The following FBN3 variants were observed in gnomAD, a reference collection of about 807,000 sequenced individuals.
FBN3 encodes the protein fibrillin 3, also known as fibrillin-3.
Under a neutral mutation model 330.1 loss-of-function variants are expected in FBN3, and 234 were observed. The observed-to-expected ratio is 0.71, with a 90% CI of 0.64 to 0.79. The LOEUF is 0.79. Ranked by LOEUF, FBN3 falls within the 30% of genes least tolerant of loss-of-function variation. The probability of loss-of-function intolerance (pLI) is 0.00; values close to 1 mark genes in which losing one functional copy is unlikely to be tolerated. For missense variants in FBN3, 3,606 were observed against 3,886.9 expected (o/e 0.93, Z 1.92); for synonymous variants, 1,458 against 1,517.3 (o/e 0.96, Z 0.91).
intron 61 of FBN3, 41 bp downstream of exon 61, chr19:8,075,030 C>G: frequency 6.3e-7 from 1 of 1,586,388 alleles, no homozygotes; most frequent in South Asian, 1.1e-5. Flanking sequence ...TGAGCAGATT[C>G]TGGTGGAGGG....
At position 8,116,748 on chromosome 19, in the gene FBN3, G is replaced by T; in HGVS notation, c.3638C>A (p.Thr1213Asn). Residue 1213 changes from threonine to asparagine, a missense_variant, in exon 29 of 64, where the codon ACC becomes AAC. Thr to Asn is a moderately conservative substitution (Grantham distance 65). Coordinates refer to ENST00000600128, the MANE Select transcript of FBN3 (RefSeq NM_032447.5). The stretch of plus-strand genomic sequence containing the variant: ...GCAGCGGTGACCCCCTGGCATGTTG[G>T]TGCAGTGGCCTTGGTCACAAACGCG... Reference protein sequence around the residue: ...NPRVCDQGHCTNMPGGHRCLC... With the variant: ...NPRVCDQGHCNNMPGGHRCLC... The T allele has an allele frequency of 6.2e-7, 1 of 1,614,106 alleles. No individual in the cohort carries two copies. The highest frequency in any genetic ancestry group is 8.5e-7 in the Non-Finnish European group (1 of 1,179,982).
intron 8 of FBN3, among the ~76,000 whole-genome samples, chr19:8,140,428 C>T (rs1423035327): frequency 6.6e-6 from 1 of 152,192 alleles, no homozygotes; most frequent in Non-Finnish European, 1.5e-5. Flanking sequence ...CGTGCCATTG[C>T]ACTCCAGCCT....
chr19:8,133,726 A>G (rs1285036992), intron 13 of FBN3, among the ~76,000 whole-genome samples: 1 of 151,936 alleles, frequency 6.6e-6, no homozygotes, highest in Non-Finnish European at 1.5e-5. Flanking sequence ...TGCTGGGATT[A>G]CAGGCGTGAG....
At chr19:8,142,901 G>A (rs933059779) in intron 6 of FBN3, among the ~76,000 whole-genome samples, 58 of 18,758 alleles carry the variant, frequency 3.1e-3, no homozygotes, top group African/African-American at 0.024. Flanking sequence ...AGCTTGGCCC[G>A]CCTCCAACAA....
chr19:8,072,932 C>T, intron 62 of FBN3, 131 bp downstream of exon 62: 1 of 754,778 alleles, frequency 1.3e-6, no homozygotes, highest in Non-Finnish European at 2.2e-6. Flanking sequence ...GCTGAAGGAG[C>T]TCTTCTGGTA....
At chr19:8,108,874 CTG>C (rs1257417163) in intron 36 of FBN3, among the ~76,000 whole-genome samples, 1 of 152,142 alleles carries the variant, frequency 6.6e-6, no homozygotes, top group East Asian at 1.9e-4. Flanking sequence ...AGTCCTGAAA[CTG>C]TTGATTTAAG....
Position 8,096,764 on chromosome 19 carries a change from C to A in FBN3, c.5413+117G>T. The A allele has an allele frequency of 7.5e-7, 1 of 1,340,952 alleles. No homozygotes were observed. The highest frequency in any genetic ancestry group is 1.3e-5 in the South Asian group (1 of 75,590). The allele number at this position is 1,340,952 out of a possible 1,614,324, so 83.1% of individuals were successfully genotyped here. A position where few individuals can be genotyped will look rare whatever the true frequency, so the allele number is the denominator to read the frequency against. Reference sequence around the variant, plus strand: ...TATTAACAGACACTCTCAATACATCCCCCACCCCCCTAATAGTATAGAAAA... The same window carrying A: ...TATTAACAGACACTCTCAATACATCACCCACCCCCCTAATAGTATAGAAAA... On this transcript the variant is annotated intron_variant, in intron 43 of 63. Transcript: ENST00000600128. The surrounding 1 kb of genome is among the most constrained non-coding windows in gnomAD (Gnocchi z 4.6).
chr19:8,077,839 G>A (rs1383096618), intron 59 of FBN3, among the ~76,000 whole-genome samples: 1 of 152,154 alleles, frequency 6.6e-6, no homozygotes, highest in Non-Finnish European at 1.5e-5. Context: ...CACTTTGGAA[G>A]GCCGAGATGG....
At position 8,111,670 on chromosome 19, in the gene FBN3, G is replaced by T. The variant is rs377291105; in HGVS notation, c.4062C>A (p.Ala1354=). Residue 1354 remains alanine, a synonymous_variant, in exon 32 of 64, where the codon GCC becomes GCA. Coordinates refer to ENST00000600128, the MANE Select transcript of FBN3 (RefSeq NM_032447.5). The stretch of plus-strand genomic sequence containing the variant: ...CACCTTCGCAGAAGAAGCCATCCCC[G>T]GCAAAGCCCTGGCGGCAGGTGCAGC... ...SYRCTCRQGF[A]GDGFFCEDRD... The T allele has an allele frequency of 7.4e-7, 1 of 1,344,746 alleles. No individual in the cohort carries two copies. The highest frequency in any genetic ancestry group is 1.9e-5 in the Admixed American group (1 of 51,490). The allele number at this position is 1,344,746 out of a possible 1,614,324, so 83.3% of individuals were successfully genotyped here.
At chr19:8,104,382 G>A (rs2082394263) in intron 38 of FBN3, among the ~76,000 whole-genome samples, 1 of 151,282 alleles carries the variant, frequency 6.6e-6, no homozygotes, top group African/African-American at 2.4e-5. Flanking sequence ...GAGGTGGGAG[G>A]ATCACCTGAG....
chr19:8,091,000 C>T (rs1025584452), intron 48 of FBN3, among the ~76,000 whole-genome samples: 2 of 152,168 alleles, frequency 1.3e-5, no homozygotes, highest in Non-Finnish European at 2.9e-5. Context: ...GGCTGGGGTC[C>T]CAGCCTCCCA....
At chr19:8,122,992 G>A (rs2082889673) in intron 24 of FBN3, among the ~76,000 whole-genome samples, 1 of 151,860 alleles carries the variant, frequency 6.6e-6, no homozygotes, top group African/African-American at 2.4e-5. Flanking sequence ...CAGGGTCCCT[G>A]CAGCCCAAGG....
chr19:8,085,522 G>A lies in FBN3; in HGVS notation c.6928C>T (p.Arg2310Trp), dbSNP rs192123683. ...CFAEVLQTMC[R>W]SLSSSSEAVT... is the part of the protein sequence containing the mutation. ...GCCTCACTGCTGCTGGACAGAGACC[G>A]GCACATGGTCTGCAGCACCTCGGCA... Residue 2310 changes from arginine (R) to tryptophan (W), a missense_variant, in exon 56 of 64, where the codon CGG (arginine) becomes TGG (tryptophan). Physicochemically the swap from Arg to Trp is moderately radical, Grantham distance 101. Transcript: ENST00000600128. 19 of 1,594,500 alleles carry A rather than the reference G, an allele frequency of 1.2e-5. No homozygotes were observed. The highest frequency in any genetic ancestry group is 1.7e-4 in the Middle Eastern group (1 of 5,892).
chr19:8,071,773 GGCCAGGGTCTGTATGGAA>G (rs2081516809), intron 63 of FBN3, among the ~76,000 whole-genome samples: 3 of 152,234 alleles, frequency 2.0e-5, no homozygotes, highest in Admixed American at 6.5e-5. Flanking sequence ...ATCACAGCCC[GGCCAGGGTCTGTATGGAA>G]GACGCCTGAC....
At chr19:8,085,999 C>A (rs187018264) in intron 55 of FBN3, among the ~76,000 whole-genome samples, 1,846 of 114,538 alleles carry the variant, frequency 0.016, 25 homozygotes, top group Non-Finnish European at 0.018. Context: ...GAGGGACAGG[C>A]AGTGGGGGGA....
At position 8,136,253 on chromosome 19, in the gene FBN3, CG is replaced by C; in HGVS notation, c.1401del (p.Gly468AlafsTer116). The C allele has an allele frequency of 6.2e-7, 1 of 1,608,640 alleles. No individual in the cohort carries two copies. The highest frequency in any genetic ancestry group is 1.7e-5 in the Admixed American group (1 of 59,626). On this transcript the variant is annotated frameshift_variant, in exon 12 of 64. Transcript: ENST00000600128. LOFTEE classifies it high-confidence loss of function. Reference sequence around the variant, plus strand: ...GGGTAGCACCGGCAGTGGTAGGTGCCGGGGATGTTGACGCAGTCACCGTGGT... The same window carrying C: ...GGGTAGCACCGGCAGTGGTAGGTGCCGGGATGTTGACGCAGTCACCGTGGT... ...PCHHGDCVNI[P>X]GTYHCRCYPG... is the part of the protein sequence containing the mutation.
chr19:8,087,598 A>AT (rs35631767), intron 53 of FBN3, among the ~76,000 whole-genome samples: 8,907 of 75,338 alleles, frequency 0.12, 502 homozygotes, highest in East Asian at 0.2. Context: ...GCATTGCAGG[A>AT]TTTTTTTTTT....
rs1357366054 is a variant in FBN3, at chr19:8,146,137, C to T, written c.339G>A (p.Gly113=). The change falls in exon 4 of 64, where the codon GGG becomes GGA. Residue 113 remains glycine (G), a synonymous_variant. Coordinates refer to ENST00000600128, the MANE Select transcript of FBN3 (RefSeq NM_032447.5). ...CCGCTTCCCGCTCACCTCGGCTCACCCCGCAGCTGGGAGCCAGCGTCCCAT... is the reference window on the plus strand; with the variant it reads ...CCGCTTCCCGCTCACCTCGGCTCACTCCGCAGCTGGGAGCCAGCGTCCCAT... ...CADGTLAPSC[G]VSRGSGCSVS... is the part of the protein sequence containing the mutation. The T allele has an allele frequency of 2.5e-6, 4 of 1,594,594 alleles. No homozygotes were observed. The highest frequency in any genetic ancestry group is 3.4e-6 in the Non-Finnish European group (4 of 1,172,102).
At position 8,111,631 on chromosome 19, in the gene FBN3, C is replaced by A; in HGVS notation, c.4084+17G>T. On this transcript the variant is annotated intron_variant, in intron 32 of 63. Coordinates refer to ENST00000600128, the MANE Select transcript of FBN3 (RefSeq NM_032447.5). ...TGTCCCTCTAGGGCCCCTGCCCTCC[C>A]ACCCCTCTAATCTCACCTTCGCAGA... The A allele has an allele frequency of 1.3e-6, 2 of 1,565,654 alleles. No homozygotes were observed. Among genetic ancestry groups the A allele is most frequent in the South Asian group, 2.3e-5 (2 of 88,806 alleles).
Sources: gnomAD v4.1 joint callset for allele counts (sites outside exome capture counted in the v4.1 genomes callset) on GRCh38, gnomAD v4.1.1 for gene constraint, Gnocchi (gnomAD v3.1) non-coding constraint, MANE v1.5 for transcripts, NCBI Gene and HGNC (gene_info 2026-07-23, HGNC 2026-07-21) for gene names.